RXRA: variants seen among roughly 807,000 people sequenced by gnomAD.
The protein encoded by RXRA is retinoic acid receptor RXR-alpha.
A neutral mutation model predicts 44.5 loss-of-function variants in RXRA; 5 were observed. That is an observed-to-expected ratio of 0.11 (90% CI 0.06 to 0.24). RXRA has a LOEUF of 0.24. Among genes scored for constraint, RXRA ranks in the 10% least tolerant of loss-of-function variants. The pLI is 1.00. For synonymous variants in RXRA, 291 were observed against 271.4 expected (o/e 1.07, Z -0.71); for missense variants, 412 against 646.5 (o/e 0.64, Z 3.93).
chr9:134,335,486 G>A (rs567070666), intron 1 of RXRA, among the ~76,000 whole-genome samples: 47 of 152,310 alleles, frequency 3.1e-4, no homozygotes, highest in African/African-American at 8.4e-4. Flanking sequence ...CCGTGCGGGC[G>A]TAAGTAGGGG....
At chr9:134,354,000 A>G (rs1323025855) in intron 1 of RXRA, among the ~76,000 whole-genome samples, 1 of 152,176 alleles carries the variant, frequency 6.6e-6, no homozygotes. Flanking sequence ...GGGGGCCACA[A>G]GCTCCTGGGG....
chr9:134,421,513 G>A (rs997173496), intron 5 of RXRA, among the ~76,000 whole-genome samples, 163 bp from the exon 6 acceptor site: 1 of 152,200 alleles, frequency 6.6e-6, no homozygotes, highest in African/African-American at 2.4e-5. Context: ...GCCATGCAAG[G>A]TCGCATAGTC....
At chr9:134,409,871 G>A (rs1303221066) in intron 4 of RXRA, among the ~76,000 whole-genome samples, 2 of 152,194 alleles carry the variant, frequency 1.3e-5, no homozygotes, top group African/African-American at 4.8e-5. Context: ...CTGGGGTGAA[G>A]ATCTGTTGGT....
chr9:134,424,812 C>T (rs1831406263), intron 6 of RXRA: 1 of 985,360 alleles, frequency 1.0e-6, no homozygotes, highest in South Asian at 4.7e-5. Flanking sequence ...AGGTCAGGAT[C>T]CATGGCTGTA....
chr9:134,379,682 C>A (rs1339179452), intron 1 of RXRA: 3 of 985,382 alleles, frequency 3.0e-6, no homozygotes, highest in Non-Finnish European at 3.6e-6. Flanking sequence ...AGCAGGACAG[C>A]CCCAGTATGC....
At chr9:134,347,192 T>C (rs1554748926) in intron 1 of RXRA, among the ~76,000 whole-genome samples, 1 of 152,080 alleles carries the variant, frequency 6.6e-6, no homozygotes, top group Non-Finnish European at 1.5e-5. Context: ...GGGACCTCAC[T>C]GTCATCTGTG....
intron 1 of RXRA, among the ~76,000 whole-genome samples, chr9:134,369,075 TGTG>T (rs1406101606): frequency 1.4e-5 from 1 of 71,486 alleles, no homozygotes; most frequent in South Asian, 5.7e-4. Context: ...TGGGGGGAGT[TGTG>T]TGTGTGGGGT....
chr9:134,357,963 G>T (rs999962416), intron 1 of RXRA, among the ~76,000 whole-genome samples: 2 of 152,186 alleles, frequency 1.3e-5, no homozygotes, highest in African/African-American at 2.4e-5. Flanking sequence ...GCAGCATCCC[G>T]CCTGGGGCCT....
intron 1 of RXRA, among the ~76,000 whole-genome samples, chr9:134,350,618 G>A (rs1412639557): frequency 6.6e-6 from 1 of 152,210 alleles, no homozygotes; most frequent in Non-Finnish European, 1.5e-5. Context: ...CCCACACGGG[G>A]AGCCTGAGGC....
At chr9:134,401,141 C>G (rs991207916) in intron 1 of RXRA, among the ~76,000 whole-genome samples, 8 of 152,228 alleles carry the variant, frequency 5.3e-5, no homozygotes, top group African/African-American at 1.9e-4. Flanking sequence ...ACGAATTTAC[C>G]CACGCTCAGA....
chr9:134,377,488 A>G (rs1033690442), intron 1 of RXRA, among the ~76,000 whole-genome samples: 2 of 152,090 alleles, frequency 1.3e-5, no homozygotes, highest in African/African-American at 4.8e-5. Context: ...ACCGCTCGGG[A>G]AGGCATGCGT....
In RXRA at chr9:134,383,483, G is replaced by A. The variant is rs542429735; in HGVS notation, c.29-18149G>A. 7.2e-5 allele frequency among the ~76,000 whole-genome samples: 11 copies of A among 152,254 alleles called. No homozygotes were observed. In the South Asian group the frequency reaches 1.7e-3, roughly 23 times the overall value. On this transcript the variant is annotated intron_variant, in intron 1 of 9. Coordinates refer to ENST00000481739, the MANE Select transcript of RXRA (RefSeq NM_002957.6). Reference sequence around the variant, plus strand: ...TGGGGCAGGGGTAGGATGGGGACACGGACCCTCATTCCGAGTCTCATGAGA... The same window carrying A: ...TGGGGCAGGGGTAGGATGGGGACACAGACCCTCATTCCGAGTCTCATGAGA...
intron 1 of RXRA, among the ~76,000 whole-genome samples, chr9:134,383,905 C>T (rs1346759740): frequency 1.3e-5 from 2 of 152,200 alleles, no homozygotes; most frequent in Non-Finnish European, 2.9e-5. Flanking sequence ...TCCTGGCTAA[C>T]ACCCAGGAGG....
intron 1 of RXRA, among the ~76,000 whole-genome samples, chr9:134,369,654 C>T (rs1244010285): frequency 6.6e-6 from 1 of 152,036 alleles, no homozygotes; most frequent in Non-Finnish European, 1.5e-5. Context: ...GGGCCTCCTC[C>T]CTGTGGGCAT....
At chr9:134,385,633 C>A (rs1375047126) in intron 1 of RXRA, among the ~76,000 whole-genome samples, 1 of 152,222 alleles carries the variant, frequency 6.6e-6, no homozygotes, top group African/African-American at 2.4e-5. Flanking sequence ...ATGTGAGGGC[C>A]TGCGCGAGCG....
chr9:134,379,856 G>C (rs1274696685), intron 1 of RXRA: 1 of 985,092 alleles, frequency 1.0e-6, no homozygotes, highest in Non-Finnish European at 1.2e-6. Flanking sequence ...AGTGGCCCTG[G>C]GATCTGGCCT....
chr9:134,352,315 C>T (rs1554749578), intron 1 of RXRA, among the ~76,000 whole-genome samples: 1 of 152,028 alleles, frequency 6.6e-6, no homozygotes, highest in Non-Finnish European at 1.5e-5. Context: ...TGGCCATCCC[C>T]TCAGGTGTCT....
intron 1 of RXRA, among the ~76,000 whole-genome samples, chr9:134,337,326 G>A (rs1830022675): frequency 6.6e-6 from 1 of 152,120 alleles, no homozygotes; most frequent in Non-Finnish European, 1.5e-5. Context: ...CTGTCTGTCC[G>A]TCCGTCCATC....
intron 6 of RXRA, among the ~76,000 whole-genome samples, chr9:134,428,615 TC>T (rs1336827139): frequency 6.6e-6 from 1 of 151,226 alleles, no homozygotes; most frequent in African/African-American, 2.4e-5. Context: ...TACCTAACCT[TC>T]CCCCCTGGGA....
Sources: allele counts gnomAD v4.1 joint callset (sites outside exome capture counted in the v4.1 genomes callset), GRCh38; gene constraint gnomAD v4.1.1; transcripts MANE v1.5; gene names NCBI Gene and HGNC (gene_info 2026-07-23, HGNC 2026-07-21).